Variants in RYR2 observed in about 807,000 individuals in gnomAD.
RYR2 encodes the protein ryanodine receptor 2, also known as cardiac muscle ryanodine receptor-calcium release channel.
A neutral mutation model predicts 601.1 loss-of-function variants in RYR2; 227 were observed. The observed-to-expected ratio is 0.38, with a 90% CI of 0.34 to 0.42. The LOEUF (loss-of-function observed/expected upper bound fraction) is 0.42, where lower values mean the gene tolerates loss of function less well. Ranked by LOEUF, RYR2 falls within the 10% of genes least tolerant of loss-of-function variation. The probability of loss-of-function intolerance (pLI) is 1.00; values close to 1 mark genes in which losing one functional copy is unlikely to be tolerated. For missense variants in RYR2, 4,646 were observed against 6,156.5 expected, an observed-to-expected ratio of 0.75 and a Z score of 8.21; for synonymous variants, 2,223 against 2,175.1, an observed-to-expected ratio of 1.02 and a Z score of -0.61.
chr1:237,229,409 G>A lies in RYR2; in HGVS notation c.49-41088G>A, dbSNP rs116775827. Reference sequence around the variant, plus strand: ...ACTTGAATGAAGGACGTCGGTTAAAGGTCTGTGCCCAAAGGCTGGTTTCCT... The same window carrying A: ...ACTTGAATGAAGGACGTCGGTTAAAAGTCTGTGCCCAAAGGCTGGTTTCCT... On this transcript the variant is annotated intron_variant, in intron 1 of 104. Transcript: ENST00000366574. Among the ~76,000 whole-genome samples the A allele has an allele frequency of 3.9e-3, 599 of 152,296 alleles. 5 individuals are homozygous for A. The highest frequency in any genetic ancestry group is 0.014 in the African/African-American group (573 of 41,562).
chr1:237,297,382 G>A (rs763969561), intron 2 of RYR2, among the ~76,000 whole-genome samples: 17 of 152,088 alleles, frequency 1.1e-4, no homozygotes, highest in Non-Finnish European at 2.1e-4. Context: ...TGTTTAACAC[G>A]AGTAATAACT....
intron 53 of RYR2, among the ~76,000 whole-genome samples, chr1:237,657,051 T>C (rs1024371682): frequency 2.0e-5 from 3 of 152,226 alleles, no homozygotes; most frequent in African/African-American, 7.2e-5. Flanking sequence ...TTGGTGTTGG[T>C]TGATTAAATC....
At chr1:237,340,472 A>C (rs1189649218) in intron 3 of RYR2, among the ~76,000 whole-genome samples, 2 of 152,190 alleles carry the variant, frequency 1.3e-5, no homozygotes, top group African/African-American at 4.8e-5. Context: ...AAGAGATCTA[A>C]TTACCTACCC....
chr1:237,236,527 G>A (rs1404455352), intron 1 of RYR2, among the ~76,000 whole-genome samples: 3 of 152,118 alleles, frequency 2.0e-5, no homozygotes, highest in Non-Finnish European at 2.9e-5. Flanking sequence ...TTTTGTAGAT[G>A]AGGAAATTTA....
intron 27 of RYR2, among the ~76,000 whole-genome samples, chr1:237,558,147 T>C (rs1671091656): frequency 6.6e-6 from 1 of 152,056 alleles, no homozygotes; most frequent in Admixed American, 6.6e-5. Flanking sequence ...TGGCCTCCTG[T>C]AAAAGGAACA....
At position 237,445,418 on chromosome 1, in the gene RYR2, A is replaced by T; in HGVS notation, c.1188A>T (p.Glu396Asp). 6.2e-7 allele frequency: 1 copy of T among 1,613,612 alleles called. No homozygotes were observed. The highest frequency in any genetic ancestry group is 8.5e-7 in the Non-Finnish European group (1 of 1,179,648). The change falls in exon 14 of 105, where the codon GAA becomes GAT. Residue 396 changes from glutamate (E) to aspartate (D), a missense_variant. Physicochemically the swap from Glu to Asp is conservative, Grantham distance 45. Transcript: ENST00000366574. The part of the protein sequence containing the change: ...SIQRKAIMHH[E>D]GHMDDGISLS... ...TCTTACAGGCTATTATGCATCATGAAGGCCACATGGATGATGGCATAAGTT... is the reference window on the plus strand; with the variant it reads ...TCTTACAGGCTATTATGCATCATGATGGCCACATGGATGATGGCATAAGTT...
chr1:237,248,267 A>ACCCCCC (rs34669763), intron 1 of RYR2, among the ~76,000 whole-genome samples: 1 of 57,354 alleles, frequency 1.7e-5, no homozygotes, highest in African/African-American at 6.9e-5. Flanking sequence ...GCAAGACTCC[A>ACCCCCC]CCCCCCGCAA....
chr1:237,055,447 G>A (rs1661870418), intron 1 of RYR2, among the ~76,000 whole-genome samples: 1 of 152,172 alleles, frequency 6.6e-6, no homozygotes, highest in Non-Finnish European at 1.5e-5. Flanking sequence ...TTAGGAGACA[G>A]TCACCACGGA....
At chr1:237,379,155 C>T (rs143670548) in intron 8 of RYR2, among the ~76,000 whole-genome samples, 1 of 152,314 alleles carries the variant, frequency 6.6e-6, no homozygotes, top group East Asian at 1.9e-4. Flanking sequence ...AATTCATGCA[C>T]ACTTTTAATA....
At position 237,790,031 on chromosome 1, in the gene RYR2, A is replaced by G. The variant is rs930097173; in HGVS notation, c.13477-1398A>G. Among the ~76,000 whole-genome samples the G allele has an allele frequency of 2.0e-4, 30 of 152,214 alleles. 1 individual carries two copies. The highest frequency in any genetic ancestry group is 7.2e-4 in the African/African-American group (30 of 41,458). On this transcript the variant is annotated intron_variant, in intron 92 of 104. Coordinates refer to ENST00000366574, the MANE Select transcript of RYR2 (RefSeq NM_001035.3). ...ATGGGCTGTGTACACAGAGGGGAAT[A>G]TCATTCTGAGGTGTTACATTTTGAT...
chr1:237,604,857 C>T (rs534344508), intron 35 of RYR2, among the ~76,000 whole-genome samples: 22 of 152,210 alleles, frequency 1.4e-4, no homozygotes, highest in Middle Eastern at 3.4e-3. Context: ...ATACACCCTC[C>T]CAAGACTAAA....
At chr1:237,731,926 A>C in intron 77 of RYR2, 120 bp from the exon 78 acceptor site, 5 of 597,422 alleles carry the variant, frequency 8.4e-6, no homozygotes, top group South Asian at 2.0e-5. Context: ...ACACCCCACA[A>C]CAGGGAAGGA....
At position 237,511,780 on chromosome 1, in the gene RYR2, T is replaced by A; in HGVS notation, c.2811T>A (p.Leu937=). Residue 937 remains leucine, a synonymous_variant, in exon 24 of 105, where the codon CTT becomes CTA. Coordinates refer to ENST00000366574, the MANE Select transcript of RYR2 (RefSeq NM_001035.3). ...QERNYNLQMS[L]ETLKTLLALG... is the part of the protein sequence containing the mutation. ...GCAATTACAACTTACAAATGTCGCT[T>A]GAGACCCTGAAGTGAGTTTCTTAAC... is the stretch of plus-strand genomic sequence containing the variant. 3 of 1,492,674 alleles carry A rather than the reference T, an allele frequency of 2.0e-6. No homozygotes were observed. In the South Asian group the frequency reaches 4.0e-5, roughly 20 times the overall value. 92.5% of individuals were successfully genotyped at this position (1,492,674 alleles called of 1,614,324 possible).
chr1:237,248,268 C>CA (rs1164849850), intron 1 of RYR2, among the ~76,000 whole-genome samples: 1 of 3,164 alleles, frequency 3.2e-4, no homozygotes, highest in African/African-American at 5.3e-4. Context: ...CAAGACTCCA[C>CA]CCCCCGCAAC....
chr1:237,465,633 G>A (rs889415615), intron 16 of RYR2, among the ~76,000 whole-genome samples: 2 of 152,104 alleles, frequency 1.3e-5, no homozygotes, highest in East Asian at 1.9e-4. Context: ...TATGCTATAC[G>A]GGATGGCCTA....
Position 237,589,906 on chromosome 1 carries a change from C to G in RYR2, c.3712C>G (p.Pro1238Ala), listed in dbSNP as rs1572995959. ...TICGLQEGYE[P>A]FAVNTNRDIT... is the part of the protein sequence containing the mutation. ...CTGTGGCTTACAAGAGGGCTATGAA[C>G]CATTTGCCGTTAATACAAACAGGGA... The change falls in exon 30 of 105, where the codon CCA becomes GCA. Residue 1238 changes from proline to alanine, a missense_variant. Physicochemically the swap from Pro to Ala is conservative, Grantham distance 27 (BLOSUM62 -1). Coordinates refer to ENST00000366574, the MANE Select transcript of RYR2 (RefSeq NM_001035.3). The G allele has an allele frequency of 6.2e-7, 1 of 1,613,870 alleles. No individual in the cohort carries two copies. Among genetic ancestry groups the G allele is most frequent in the Non-Finnish European group, 8.5e-7 (1 of 1,179,844 alleles).
chr1:237,048,233 C>T (rs1031643491), intron 1 of RYR2, among the ~76,000 whole-genome samples: 2 of 152,204 alleles, frequency 1.3e-5, no homozygotes, highest in Admixed American at 1.3e-4. Flanking sequence ...CCTAGCTTTA[C>T]GGACTTAGAA....
In RYR2 at chr1:237,210,983, C is replaced by T. The variant is rs145951851; in HGVS notation, c.49-59514C>T. Among the ~76,000 whole-genome samples, 1,109 of 152,010 alleles carry T rather than the reference C, an allele frequency of 7.3e-3. 10 individuals carry two copies. Among genetic ancestry groups the T allele is most frequent in the Middle Eastern group, 0.034 (10 of 294 alleles). On this transcript the variant is annotated intron_variant, in intron 1 of 104. Transcript: ENST00000366574. Reference sequence around the variant, plus strand: ...AGCTTAGCGAGTTAGCTGTCACTGCCGCAGAGACGTCTCACACAGATTTGT... The same window carrying T: ...AGCTTAGCGAGTTAGCTGTCACTGCTGCAGAGACGTCTCACACAGATTTGT...
In RYR2 at chr1:237,595,475, A is replaced by G. The variant is rs761683806; in HGVS notation, c.4437-23A>G. On this transcript the variant is annotated intron_variant, in intron 33 of 104. Transcript: ENST00000366574. ...CTTTTATCTGTGGTTGTACAAAGAT[A>G]AAAATGTTCTTTTGAAATTCAGCAT... 52 of 1,601,338 alleles carry G rather than the reference A, an allele frequency of 3.2e-5. No individual in the cohort carries two copies. The African/African-American group carries it at 6.6e-4, about 20-fold the overall frequency.
Sources: gnomAD v4.1 joint callset for allele counts (sites outside exome capture counted in the v4.1 genomes callset) on GRCh38, gnomAD v4.1.1 for gene constraint, MANE v1.5 for transcripts, NCBI Gene and HGNC (gene_info 2026-07-23, HGNC 2026-07-21) for gene names.